The following PRUNE2 variants were observed in gnomAD, a reference collection of about 807,000 sequenced individuals.
PRUNE2 encodes prune homolog 2 with BCH domain, also known as protein prune homolog 2.
A neutral mutation model predicts 252.0 loss-of-function variants in PRUNE2; 164 were observed. That is an observed-to-expected ratio of 0.65 (90% CI 0.57 to 0.74). The LOEUF (loss-of-function observed/expected upper bound fraction) is 0.74, where lower values mean the gene tolerates loss of function less well. Ranked by LOEUF, PRUNE2 falls within the 30% of genes least tolerant of loss-of-function variation. The pLI, the probability that PRUNE2 is intolerant of heterozygous loss-of-function variation, is 0.00. For synonymous variants in PRUNE2, 1,292 were observed against 1,350.2 expected (o/e 0.96, Z 0.94); for missense variants, 3,495 against 3,711.0 (o/e 0.94, Z 1.51).
intron 9 of PRUNE2, chr9:76,687,568 A>T (rs2044228703): frequency 2.9e-6 from 1 of 344,198 alleles, no homozygotes; most frequent in African/African-American, 2.1e-5. Context: ...TAATCTGCCT[A>T]GGGTTTCCAA....
chr9:76,775,965 A>AT, intron 6 of PRUNE2, among the ~76,000 whole-genome samples: 1 of 152,112 alleles, frequency 6.6e-6, no homozygotes, highest in East Asian at 1.9e-4. Context: ...CTTCCAAAAA[A>AT]TTCCAGCATT....
At chr9:76,871,443 G>C (rs1564477203) in intron 1 of PRUNE2, among the ~76,000 whole-genome samples, 1 of 152,176 alleles carries the variant, frequency 6.6e-6, no homozygotes, top group Non-Finnish European at 1.5e-5. Context: ...GAGGGTCCTG[G>C]AACCAGTTCC....
Position 76,707,024 on chromosome 9 carries a change from C to T in PRUNE2, c.5250G>A (p.Glu1750=), listed in dbSNP as rs149690996. 2.3e-3 allele frequency: 3,646 copies of T among 1,613,988 alleles called. 13 individuals are homozygous for T. The highest frequency in any genetic ancestry group is 4.5e-3 in the Middle Eastern group (27 of 6,062). The change falls in exon 8 of 19, where the codon GAG becomes GAA. Residue 1750 remains glutamate (E), a synonymous_variant. Transcript: ENST00000376718. ...YLDSSEPAEN[E]NKSNPFCDNQ... Reference sequence around the variant, plus strand: ...TGTCACAGAATGGGTTTGACTTATTCTCATTCTCTGCTGGCTCTGAGCTGT... The same window carrying T: ...TGTCACAGAATGGGTTTGACTTATTTTCATTCTCTGCTGGCTCTGAGCTGT...
intron 6 of PRUNE2, among the ~76,000 whole-genome samples, chr9:76,802,264 A>T (rs1330133947): frequency 6.6e-6 from 1 of 152,158 alleles, no homozygotes; most frequent in Non-Finnish European, 1.5e-5. Flanking sequence ...TTGGCGATTT[A>T]TTTTATATTA....
chr9:76,881,445 T>C (rs1184210289), intron 1 of PRUNE2, among the ~76,000 whole-genome samples: 1 of 152,200 alleles, frequency 6.6e-6, no homozygotes, highest in Admixed American at 6.5e-5. Flanking sequence ...AATTAACCAT[T>C]TTAAAGTGAA....
rs1283483042 is a variant in PRUNE2, at chr9:76,614,002, C to A, written c.*568G>T. The A allele has an allele frequency of 6.6e-6, 1 of 152,182 alleles. No homozygotes were observed. Among genetic ancestry groups the A allele is most frequent in the Non-Finnish European group, 1.5e-5 (1 of 68,060 alleles). 9.4% of individuals were successfully genotyped at this position (152,182 alleles called of 1,614,324 possible). A position where few individuals can be genotyped will look rare whatever the true frequency, so the allele number is the denominator to read the frequency against. ...GACGTGGATTAGAAAGCCCGGCTTCCCTTTGAGAAGTTAAAGGAGATTCTG... is the reference window on the plus strand; with the variant it reads ...GACGTGGATTAGAAAGCCCGGCTTCACTTTGAGAAGTTAAAGGAGATTCTG... On this transcript the variant is annotated 3_prime_UTR_variant, in exon 19 of 19. Transcript: ENST00000376718.
Position 76,776,066 on chromosome 9 carries a change from T to G in PRUNE2, c.756+47566A>C, listed in dbSNP as rs17062993. Among the ~76,000 whole-genome samples the G allele has an allele frequency of 8.6e-3, 1,308 of 152,278 alleles. 19 individuals are homozygous for G. The highest frequency in any genetic ancestry group is 0.03 in the African/African-American group (1,230 of 41,544). On this transcript the variant is annotated intron_variant, in intron 6 of 18. Coordinates refer to ENST00000376718, the MANE Select transcript of PRUNE2 (RefSeq NM_015225.3). ...TTCTTTATAACTACAAAAGACAATC[T>G]CACGTGCACAGAGTAATCAACTCAT...
chr9:76,862,833 T>C (rs1365842329), intron 1 of PRUNE2: 1 of 152,222 alleles, frequency 6.6e-6, no homozygotes, highest in Non-Finnish European at 1.5e-5. Flanking sequence ...CATAATATTT[T>C]TTAACTTCTC....
intron 10 of PRUNE2, among the ~76,000 whole-genome samples, 193 bp from the exon 11 acceptor site, chr9:76,652,876 C>T (rs1356795127): frequency 1.3e-5 from 2 of 152,056 alleles, no homozygotes; most frequent in African/African-American, 4.8e-5. Flanking sequence ...AAGTATAATC[C>T]AAATATTCCA....
intron 1 of PRUNE2, among the ~76,000 whole-genome samples, chr9:76,879,899 ATATATTTTTT>A (rs2061672310): frequency 1.3e-5 from 1 of 76,046 alleles, no homozygotes; most frequent in Non-Finnish European, 2.2e-5. Context: ...ATATATATAT[ATATATTTTTT>A]TTTTTTTTTT....
Position 76,708,124 on chromosome 9 carries a change from T to C in PRUNE2, c.4150A>G (p.Ser1384Gly). 6.2e-7 allele frequency: 1 copy of C among 1,613,972 alleles called. No homozygotes were observed. The highest frequency in any genetic ancestry group is 1.3e-5 in the African/African-American group (1 of 75,030). The change falls in exon 8 of 19, where the codon AGC becomes GGC. Residue 1384 changes from serine to glycine, a missense_variant. Coordinates refer to ENST00000376718, the MANE Select transcript of PRUNE2 (RefSeq NM_015225.3). ...QEICIKSGKISSLAVTFSPQT... is the reference protein window; with the variant it reads ...QEICIKSGKIGSLAVTFSPQT... The stretch of plus-strand genomic sequence containing the variant: ...GGACTGAAAGTGACAGCAAGAGAGC[T>C]GATTTTGCCTGATTTAATGCAGATT...
chr9:76,849,999 T>C (rs1423166037), intron 3 of PRUNE2, among the ~76,000 whole-genome samples: 1 of 152,202 alleles, frequency 6.6e-6, no homozygotes, highest in Admixed American at 6.5e-5. Flanking sequence ...TCTCTGCATG[T>C]CCTCTGCCTT....
At chr9:76,720,705 T>C (rs10869801) in intron 6 of PRUNE2, among the ~76,000 whole-genome samples, 31,906 of 150,948 alleles carry the variant, frequency 0.21, 4,058 homozygotes, top group East Asian at 0.57. Context: ...GTTATGACAA[T>C]TTTTGCCTTA....
intron 9 of PRUNE2, among the ~76,000 whole-genome samples, chr9:76,689,996 G>A (rs2044537082): frequency 6.6e-6 from 1 of 152,112 alleles, no homozygotes; most frequent in South Asian, 2.1e-4. Context: ...CAAATGAAGG[G>A]CATCTACTCC....
intron 9 of PRUNE2, among the ~76,000 whole-genome samples, chr9:76,696,513 C>T (rs773084958): frequency 6.6e-6 from 1 of 152,178 alleles, no homozygotes; most frequent in Non-Finnish European, 1.5e-5. Flanking sequence ...GCAACCTCCC[C>T]CACCCAGGTT....
chr9:76,873,866 C>T (rs2061348842), intron 1 of PRUNE2, among the ~76,000 whole-genome samples: 3 of 152,112 alleles, frequency 2.0e-5, no homozygotes, highest in Non-Finnish European at 2.9e-5. Context: ...CTGGGGCCAC[C>T]GCAAGTACTA....
chr9:76,889,533 TG>T (rs1292071887), intron 1 of PRUNE2, among the ~76,000 whole-genome samples: 1 of 152,088 alleles, frequency 6.6e-6, no homozygotes, highest in Non-Finnish European at 1.5e-5. Context: ...TTGACCTGGC[TG>T]GTCTCAAACT....
intron 1 of PRUNE2, among the ~76,000 whole-genome samples, chr9:76,880,071 G>A (rs1199653975): frequency 1.3e-5 from 2 of 150,954 alleles, no homozygotes; most frequent in Non-Finnish European, 3.0e-5. Context: ...GCGCCACCAC[G>A]CCCGGCTAAT....
At chr9:76,624,373 A>G (rs911885447) in intron 17 of PRUNE2, 79 bp downstream of exon 17, 6 of 922,236 alleles carry the variant, frequency 6.5e-6, no homozygotes, top group East Asian at 6.0e-5. Context: ...ATAAAACACC[A>G]GGCATGCAGA....
Sources: gnomAD v4.1 joint callset for allele counts (sites outside exome capture counted in the v4.1 genomes callset) on GRCh38, gnomAD v4.1.1 for gene constraint, MANE v1.5 for transcripts, NCBI Gene and HGNC (gene_info 2026-07-23, HGNC 2026-07-21) for gene names.